Variants in BCO2 observed in about 807,000 individuals in gnomAD.
BCO2 encodes the protein carotenoid-cleaving dioxygenase, mitochondrial.
BCO2 carries 56 observed loss-of-function variants against 65.8 expected under a neutral mutation model. The observed-to-expected ratio is 0.85, with a 90% confidence interval of 0.69 to 1.06. BCO2 has a LOEUF of 1.06. Among genes scored for constraint, BCO2 ranks in the 50% least tolerant of loss-of-function variants. BCO2 has a pLI of 0.00. For synonymous variants in BCO2, 233 were observed against 242.3 expected (o/e 0.96, Z 0.36); for missense variants, 675 against 698.5 (o/e 0.97, Z 0.38).
intron 2 of BCO2, among the ~76,000 whole-genome samples, chr11:112,180,547 A>T (rs1466250819): frequency 6.6e-6 from 1 of 152,124 alleles, no homozygotes; most frequent in African/African-American, 2.4e-5. Flanking sequence ...ATAAATGAAA[A>T]ACCCAGGCAG....
intron 2 of BCO2, among the ~76,000 whole-genome samples, chr11:112,187,055 A>T (rs1344803232): frequency 2.0e-5 from 3 of 152,082 alleles, no homozygotes; most frequent in African/African-American, 7.2e-5. Flanking sequence ...ACTATACAGA[A>T]TTTCTCCACC....
chr11:112,175,685 C>T lies in BCO2; in HGVS notation c.84C>T (p.Leu28=), dbSNP rs762065931. The change falls in exon 1 of 12, where the codon CTC becomes CTT. Residue 28 remains leucine, a synonymous_variant. Coordinates refer to ENST00000357685, the MANE Select transcript of BCO2 (RefSeq NM_031938.7). Reference sequence around the variant, plus strand: ...TCCTTCCTGTGATGGTGCACCGGCTCCCAGGTAGAGGGTTTGCCCCTTTCT... The same window carrying T: ...TCCTTCCTGTGATGGTGCACCGGCTTCCAGGTAGAGGGTTTGCCCCTTTCT... ...VDFLPVMVHR[L]PVFKRYMGNT... is the part of the protein sequence containing the mutation. 20 of 1,612,356 alleles carry T rather than the reference C, an allele frequency of 1.2e-5. No individual in the cohort carries two copies. Among genetic ancestry groups the T allele is most frequent in the Non-Finnish European group, 1.6e-5 (19 of 1,178,514 alleles).
chr11:112,189,458 T>G (rs2135362267), intron 2 of BCO2, among the ~76,000 whole-genome samples: 1 of 147,804 alleles, frequency 6.8e-6, no homozygotes, highest in Admixed American at 6.9e-5. Flanking sequence ...CAGGTTGGAG[T>G]GCAGTGGCAC....
chr11:112,200,736 A>C lies in BCO2; in HGVS notation c.989A>C (p.Asn330Thr), dbSNP rs1008187720. 8.7e-6 allele frequency: 14 copies of C among 1,613,794 alleles called. No homozygotes were observed. The African/African-American group carries it at 1.5e-4, about 17-fold the overall frequency. ...SDGISWEPQC[N>T]TRFHVVEKRT... ...GGGATAAGCTGGGAACCCCAGTGTA[A>C]TACGCGGTTTCATGTGGTGGAAAAA... The change falls in exon 7 of 12, where the codon AAT becomes ACT. Residue 330 changes from asparagine (N) to threonine (T), a missense_variant. Transcript: ENST00000357685.
At chr11:112,180,710 AAGGTGGGAGGAGGACC>A (rs1433303537) in intron 2 of BCO2, 28 of 790,718 alleles carry the variant, frequency 3.5e-5, no homozygotes, top group Non-Finnish European at 5.8e-5. Flanking sequence ...GGAGGAGAAA[AAGGTGGGAGGAGGACC>A]AGGTGGGAGG....
At chr11:112,215,035 C>A (rs1859624885) in intron 10 of BCO2, 91 bp downstream of exon 10, 1 of 1,272,042 alleles carries the variant, frequency 7.9e-7, no homozygotes. Flanking sequence ...TCTTAAGATT[C>A]TTCAGTATTT....
At chr11:112,183,110 C>T in intron 2 of BCO2, 1 of 1,281,414 alleles carries the variant, frequency 7.8e-7, no homozygotes, top group Non-Finnish European at 1.1e-6. Flanking sequence ...TTCAAGAAGC[C>T]AACCTGAGAG....
chr11:112,209,683 A>G (rs887135950), intron 8 of BCO2, among the ~76,000 whole-genome samples: 2 of 152,204 alleles, frequency 1.3e-5, no homozygotes, highest in African/African-American at 2.4e-5. Context: ...AGATAATCAT[A>G]TAACGTTTAT....
chr11:112,200,494 GC>G, intron 6 of BCO2, 118 bp from the exon 7 acceptor site: 1 of 793,048 alleles, frequency 1.3e-6, no homozygotes, highest in Admixed American at 2.9e-5. Flanking sequence ...TTTCTGGCTG[GC>G]ATTTGTTTAG....
intron 2 of BCO2, among the ~76,000 whole-genome samples, chr11:112,193,138 C>T (rs181961039): frequency 6.6e-6 from 1 of 151,428 alleles, no homozygotes; most frequent in African/African-American, 2.4e-5. Flanking sequence ...CCACCATGCC[C>T]AGTTAATTTT....
intron 10 of BCO2, 156 bp downstream of exon 10, chr11:112,215,100 G>T: frequency 1.4e-6 from 1 of 699,418 alleles, no homozygotes; most frequent in Admixed American, 2.7e-5. Context: ...CTAAGTTAGG[G>T]GTATGTTCCT....
At chr11:112,178,709 A>G (rs939924840) in intron 1 of BCO2, among the ~76,000 whole-genome samples, 10 of 152,310 alleles carry the variant, frequency 6.6e-5, no homozygotes, top group African/African-American at 2.4e-4. Context: ...TTAATTTTTG[A>G]CACCCTTCTA....
At chr11:112,187,951 G>A (rs1205734099) in intron 2 of BCO2, among the ~76,000 whole-genome samples, 3 of 152,138 alleles carry the variant, frequency 2.0e-5, no homozygotes, top group African/African-American at 7.2e-5. Flanking sequence ...TATGTATAAG[G>A]GATGTAGCAA....
intron 5 of BCO2, among the ~76,000 whole-genome samples, chr11:112,197,921 A>G (rs1867625639): frequency 6.6e-6 from 1 of 152,110 alleles, no homozygotes; most frequent in African/African-American, 2.4e-5. Flanking sequence ...CCTGGAATGC[A>G]TTTCTCCCAG....
chr11:112,193,349 C>T lies in BCO2; in HGVS notation c.294-125C>T. The T allele has an allele frequency of 3.4e-6, 3 of 872,864 alleles. No individual in the cohort carries two copies. The East Asian group carries it at 7.9e-5, about 23-fold the overall frequency. The allele number at this position is 872,864 out of a possible 1,614,324, so 54.1% of individuals were successfully genotyped here. A position where few individuals can be genotyped will look rare whatever the true frequency, so the allele number is the denominator to read the frequency against. On this transcript the variant is annotated intron_variant, in intron 2 of 11. Coordinates refer to ENST00000357685, the MANE Select transcript of BCO2 (RefSeq NM_031938.7). ...CACAATTTCAAGTTCTCTGACTAAT[C>T]AGGTTGTGCTGGGAACCTGTCCCAT...
chr11:112,215,969 T>G (rs1364609576), intron 10 of BCO2: 2 of 419,560 alleles, frequency 4.8e-6, no homozygotes, highest in East Asian at 4.0e-5. Context: ...TCAGACGAAC[T>G]AATAGAGCGA....
rs963532881 is a variant in BCO2 at position 112,175,944 on chromosome 11, T to C, written c.88+255T>C. 4.5e-5 allele frequency: 17 copies of C among 375,064 alleles called. No homozygotes were observed. The East Asian group carries it at 6.0e-4, about 13-fold the overall frequency. 23.2% of individuals were successfully genotyped at this position (375,064 alleles called of 1,614,324 possible). ...TTTAAGGCAGGATTCAGGGACTTGG[T>C]ATTCTTTGGGATTTGCAATAAGAAG... On this transcript the variant is annotated intron_variant, in intron 1 of 11. Coordinates refer to ENST00000357685, the MANE Select transcript of BCO2 (RefSeq NM_031938.7).
chr11:112,215,013 A>C (rs1485988199), intron 10 of BCO2, 69 bp downstream of exon 10: 1 of 1,451,190 alleles, frequency 6.9e-7, no homozygotes, highest in South Asian at 1.2e-5. Context: ...AGTTTGTTTT[A>C]TTTAAAGTAG....
chr11:112,192,943 T>TTTTTTTTTTTTCA (rs1555195002), intron 2 of BCO2, among the ~76,000 whole-genome samples: 1 of 129,430 alleles, frequency 7.7e-6, no homozygotes, highest in African/African-American at 2.9e-5. Context: ...TTTTTTTTTT[T>TTTTTTTTTTTTCA]GACAGGGGTA....
Sources: allele counts gnomAD v4.1 joint callset (sites outside exome capture counted in the v4.1 genomes callset), GRCh38; gene constraint gnomAD v4.1.1; transcripts MANE v1.5; gene names NCBI Gene and HGNC (gene_info 2026-07-23, HGNC 2026-07-21).